The following DARS2 variants were observed in gnomAD, a reference collection of about 807,000 sequenced individuals.
DARS2 encodes aspartate--tRNA ligase, mitochondrial.
In DARS2, 63 loss-of-function variants were observed where a neutral mutation model predicts 83.0. The ratio of observed to expected loss-of-function variants is 0.76; its 90% confidence interval spans 0.62 to 0.94. The LOEUF is 0.94. Ranked by LOEUF, DARS2 falls within the 40% of genes least tolerant of loss-of-function variation. The probability of loss-of-function intolerance (pLI) is 0.00; values close to 1 mark genes in which losing one functional copy is unlikely to be tolerated. For synonymous variants in DARS2, 250 were observed against 269.3 expected (o/e 0.93, Z 0.70); for missense variants, 675 against 774.4 (o/e 0.87, Z 1.52).
chr1:173,836,171 G>T (rs1652997336), intron 7 of DARS2, among the ~76,000 whole-genome samples: 1 of 152,108 alleles, frequency 6.6e-6, no homozygotes, highest in African/African-American at 2.4e-5. Context: ...AGTGAGTCCA[G>T]ATTGTACCAT....
intron 11 of DARS2, among the ~76,000 whole-genome samples, chr1:173,841,575 G>A (rs1163617388): frequency 6.6e-6 from 1 of 151,888 alleles, no homozygotes; most frequent in Non-Finnish European, 1.5e-5. Context: ...CACTGTGGGA[G>A]GTCAAGGCAG....
At chr1:173,853,610 A>G (rs773912507) in intron 14 of DARS2, 43 bp downstream of exon 14, 8 of 1,607,262 alleles carry the variant, frequency 5.0e-6, no homozygotes, top group Non-Finnish European at 6.0e-6. Context: ...ATGTGTATAT[A>G]AAGGCAAAGA....
intron 13 of DARS2, 141 bp from the exon 14 acceptor site, chr1:173,853,208 G>A: frequency 1.2e-6 from 1 of 800,148 alleles, no homozygotes; most frequent in Non-Finnish European, 2.2e-6. Flanking sequence ...AGATCTTTGT[G>A]TCCTGAGAAG....
chr1:173,848,289 A>AAT (rs1653518714), intron 12 of DARS2, among the ~76,000 whole-genome samples: 4 of 152,226 alleles, frequency 2.6e-5, no homozygotes, highest in Non-Finnish European at 1.5e-5. Flanking sequence ...AGTTCTTACA[A>AAT]AATGTCTTTA....
chr1:173,828,726 A>T (rs1571977473), intron 3 of DARS2, among the ~76,000 whole-genome samples: 1 of 152,318 alleles, frequency 6.6e-6, no homozygotes, highest in South Asian at 2.1e-4. Flanking sequence ...TAGATTGACA[A>T]CACACTGTGT....
At chr1:173,837,975 A>G (rs1653066448) in intron 8 of DARS2, among the ~76,000 whole-genome samples, 1 of 152,100 alleles carries the variant, frequency 6.6e-6, no homozygotes, top group Non-Finnish European at 1.5e-5. Context: ...GGGTTTCACC[A>G]TGTTGGCCAG....
chr1:173,828,934 T>C (rs1360923705), intron 3 of DARS2, among the ~76,000 whole-genome samples: 1 of 152,176 alleles, frequency 6.6e-6, no homozygotes, highest in African/African-American at 2.4e-5. Context: ...AGGATTCTTT[T>C]TAACGGAAAA....
intron 15 of DARS2, among the ~76,000 whole-genome samples, chr1:173,854,933 GT>G (rs1653806266): frequency 3.9e-5 from 6 of 152,126 alleles, no homozygotes; most frequent in Admixed American, 3.9e-4. Flanking sequence ...GAAGGCTTGG[GT>G]AGGTTTCAGA....
At chr1:173,851,655 G>C (rs1014077788) in intron 13 of DARS2, among the ~76,000 whole-genome samples, 1 of 152,224 alleles carries the variant, frequency 6.6e-6, no homozygotes, top group Admixed American at 6.5e-5. Context: ...GTAAAATATA[G>C]AAAAGTATAG....
intron 11 of DARS2, among the ~76,000 whole-genome samples, chr1:173,841,212 T>TA (rs1653194088): frequency 6.6e-6 from 1 of 151,782 alleles, no homozygotes; most frequent in Non-Finnish European, 1.5e-5. Flanking sequence ...CCATCTCTAC[T>TA]AAAAAATACA....
intron 13 of DARS2, 125 bp downstream of exon 13, chr1:173,850,604 T>TC: frequency 2.3e-6 from 2 of 851,502 alleles, no homozygotes; most frequent in Non-Finnish European, 1.7e-6. Context: ...TCTGCATAAA[T>TC]CTTTTTTTTT....
Position 173,850,537 on chromosome 1 carries a change from C to G in DARS2, c.1344+58C>G, listed in dbSNP as rs1006774571. ...TTGATGCTGAACAATGCCTTACTCT[C>G]CTATGTATATAGTATACGTTTGAAC... is the stretch of plus-strand genomic sequence containing the variant. On this transcript the variant is annotated intron_variant, in intron 13 of 16. Transcript: ENST00000649689. 6 of 1,551,912 alleles carry G rather than the reference C, an allele frequency of 3.9e-6. No individual in the cohort carries two copies. In the African/African-American group the frequency reaches 8.2e-5, roughly 21 times the overall value.
At chr1:173,850,831 C>T (rs1312994163) in intron 13 of DARS2, among the ~76,000 whole-genome samples, 1 of 151,850 alleles carries the variant, frequency 6.6e-6, no homozygotes, top group Non-Finnish European at 1.5e-5. Context: ...TCTCAAACTC[C>T]TCAGCTTAGG....
chr1:173,853,275 C>G (rs577499295), intron 13 of DARS2, 74 bp from the exon 14 acceptor site: 43 of 1,462,336 alleles, frequency 2.9e-5, no homozygotes, highest in Non-Finnish European at 4.1e-5. Flanking sequence ...GGCCTGGCTT[C>G]GGAATCCAGG....
rs1652765301 is a variant in DARS2 at position 173,830,721 on chromosome 1, C to G, written c.356C>G (p.Ser119Cys). 3 of 1,613,998 alleles carry G rather than the reference C, an allele frequency of 1.9e-6. No individual in the cohort carries two copies. The highest frequency in any genetic ancestry group is 2.5e-6 in the Non-Finnish European group (3 of 1,179,910). Residue 119 changes from serine to cysteine, a missense_variant, in exon 4 of 17, where the codon TCT (serine) becomes TGT (cysteine). By Grantham distance (112) the Ser-to-Cys change is moderately radical. Transcript: ENST00000649689. Reference protein sequence around the residue: ...EAPVESVVQVSGTVISRPAGQ... With the variant: ...EAPVESVVQVCGTVISRPAGQ... ...CCTGTGGAATCTGTGGTGCAAGTGT[C>G]TGGTACAGTCATTTCCCGTCCTGCA...
At chr1:173,853,599 A>C in intron 14 of DARS2, 32 bp downstream of exon 14, 1 of 1,611,576 alleles carries the variant, frequency 6.2e-7, no homozygotes, top group Non-Finnish European at 8.5e-7. Context: ...ATCAAAAGGA[A>C]ATGTGTATAT....
intron 8 of DARS2, among the ~76,000 whole-genome samples, chr1:173,837,787 T>C (rs894548996): frequency 2.0e-5 from 3 of 152,172 alleles, no homozygotes; most frequent in African/African-American, 7.2e-5. Flanking sequence ...ACTTTTTTTT[T>C]TTTGAGACAG....
intron 2 of DARS2, among the ~76,000 whole-genome samples, 187 bp downstream of exon 2, chr1:173,826,973 T>C (rs1003941848): frequency 5.9e-5 from 9 of 152,364 alleles, no homozygotes; most frequent in Admixed American, 4.6e-4. Context: ...AGTAGACATT[T>C]TGAAAGACCC....
intron 11 of DARS2, among the ~76,000 whole-genome samples, chr1:173,842,238 A>G (rs1433916805): frequency 6.9e-6 from 1 of 143,930 alleles, no homozygotes; most frequent in Non-Finnish European, 1.5e-5. Context: ...CATAAGCATT[A>G]TATTCAGAAT....
Sources: allele counts gnomAD v4.1 joint callset (sites outside exome capture counted in the v4.1 genomes callset), GRCh38; gene constraint gnomAD v4.1.1; transcripts MANE v1.5; gene names NCBI Gene and HGNC (gene_info 2026-07-23, HGNC 2026-07-21).